Variants in ZPBP2 observed in about 807,000 individuals in gnomAD.
ZPBP2 encodes zona pellucida binding protein 2, also known as zona pellucida-binding protein 2.
In ZPBP2, 34 loss-of-function variants were observed where a neutral mutation model predicts 37.5. The observed-to-expected ratio is 0.91, with a 90% CI of 0.69 to 1.21. The LOEUF (loss-of-function observed/expected upper bound fraction) is 1.21, where lower values mean the gene tolerates loss of function less well. Ranked by LOEUF, ZPBP2 falls within the 50% of genes most tolerant of loss-of-function variation. ZPBP2 has a pLI of 0.00. For missense variants in ZPBP2, 397 were observed against 413.5 expected (o/e 0.96, Z 0.35); for synonymous variants, 143 against 138.4 (o/e 1.03, Z -0.23).
Position 39,872,485 on chromosome 17 carries a change from CA to C in ZPBP2, c.624del (p.Val209LeufsTer33), listed in dbSNP as rs776798421. ...GLIHELFIAF[Q>X]VNPFAPGWKG... ...CATACATGAGCTATTTATAGCATTTCAAGGTAAAATTTTTAAAATTTCTTTA... is the reference window on the plus strand; with the variant it reads ...CATACATGAGCTATTTATAGCATTTCAGGTAAAATTTTTAAAATTTCTTTA... On this transcript the variant is annotated frameshift_variant and splice_region_variant, in exon 5 of 8. Coordinates refer to ENST00000348931, the MANE Select transcript of ZPBP2 (RefSeq NM_199321.3). LOFTEE classifies it high-confidence loss of function. 6.3e-7 allele frequency: 1 copy of C among 1,576,552 alleles called. No homozygotes were observed. Among genetic ancestry groups the C allele is most frequent in the Non-Finnish European group, 8.6e-7 (1 of 1,166,192 alleles).
In ZPBP2 at chr17:39,876,831, C is replaced by G. The variant is rs746301719; in HGVS notation, c.*22C>G. Reference sequence around the variant, plus strand: ...TTAGAGGTGAAAGCATTGTTACTTACTTGTGGAAGTCGGGGACATAAGATG... The same window carrying G: ...TTAGAGGTGAAAGCATTGTTACTTAGTTGTGGAAGTCGGGGACATAAGATG... On this transcript the variant is annotated 3_prime_UTR_variant, in exon 8 of 8. Coordinates refer to ENST00000348931, the MANE Select transcript of ZPBP2 (RefSeq NM_199321.3). 3 of 1,612,118 alleles carry G rather than the reference C, an allele frequency of 1.9e-6. No individual in the cohort carries two copies. The Middle Eastern group carries it at 5.0e-4, about 267-fold the overall frequency.
chr17:39,872,270 C>A lies in ZPBP2; in HGVS notation c.407C>A (p.Ala136Asp). 6.4e-7 allele frequency: 1 copy of A among 1,573,956 alleles called. No homozygotes were observed. The highest frequency in any genetic ancestry group is 8.6e-7 in the Non-Finnish European group (1 of 1,165,246). ...TCTCATCTTTCTTTTTTTTTTAAAG[C>A]CTATCGGGAACCTGATTATTCATAT... Reference protein sequence around the residue: ...VKKRYDFMVFAYREPDYSYQM... With the variant: ...VKKRYDFMVFDYREPDYSYQM... Residue 136 changes from alanine (A) to aspartate (D), a missense_variant and splice_region_variant, in exon 5 of 8, where the codon GCC becomes GAC. Transcript: ENST00000348931.
At chr17:39,868,440 C>T in intron 1 of ZPBP2, 34 bp downstream of exon 1, 1 of 1,611,704 alleles carries the variant, frequency 6.2e-7, no homozygotes, top group South Asian at 1.1e-5. Context: ...CCAGGCCTCT[C>T]CCTCTGCCCG....
chr17:39,876,538 G>A, intron 7 of ZPBP2, 144 bp from the exon 8 acceptor site: 2 of 813,980 alleles, frequency 2.5e-6, no homozygotes, highest in Non-Finnish European at 3.7e-6. Context: ...AACTTAAATG[G>A]GCTGAACATT....
At position 39,877,590 on chromosome 17, in the gene ZPBP2, A is replaced by G. The variant is rs1018599143; in HGVS notation, c.*781A>G. 6.6e-6 allele frequency: 1 copy of G among 152,128 alleles called. No individual in the cohort carries two copies. The highest frequency in any genetic ancestry group is 1.5e-5 in the Non-Finnish European group (1 of 68,018). 9.4% of individuals were successfully genotyped at this position (152,128 alleles called of 1,614,324 possible). A position where few individuals can be genotyped will look rare whatever the true frequency, so the allele number is the denominator to read the frequency against. ...ACCCTCAAAATCCTGTGCTTCACTTATTTATCCCTCCCGCCGTGCCCTGGC... is the reference window on the plus strand; with the variant it reads ...ACCCTCAAAATCCTGTGCTTCACTTGTTTATCCCTCCCGCCGTGCCCTGGC... On this transcript the variant is annotated 3_prime_UTR_variant, in exon 8 of 8. Transcript: ENST00000348931.
chr17:39,876,928 T>C lies in ZPBP2; in HGVS notation c.*119T>C. ...AGTAAGACCAAACCACTGGAAAACA[T>C]GCATTTTGGAAACTTTAAAATAAAT... On this transcript the variant is annotated 3_prime_UTR_variant, in exon 8 of 8. Transcript: ENST00000348931. 1 of 1,302,788 alleles carries C rather than the reference T, an allele frequency of 7.7e-7. No homozygotes were observed. The highest frequency in any genetic ancestry group is 1.1e-6 in the Non-Finnish European group (1 of 945,034). 80.7% of individuals were successfully genotyped at this position (1,302,788 alleles called of 1,614,324 possible).
rs80257882 is a variant in ZPBP2, at chr17:39,875,660, G to A, written c.889+226G>A. Among the ~76,000 whole-genome samples, 47 of 150,842 alleles carry A rather than the reference G, an allele frequency of 3.1e-4. 3 individuals are homozygous for A. In the East Asian group the frequency reaches 7.0e-3, roughly 23 times the overall value. On this transcript the variant is annotated intron_variant, in intron 7 of 7. Transcript: ENST00000348931. ...TTCACCCATGCTGGAGTGCAGTGGCGTCATCTGAGCTCACCACAACCTTCG... is the reference window on the plus strand; with the variant it reads ...TTCACCCATGCTGGAGTGCAGTGGCATCATCTGAGCTCACCACAACCTTCG...
In ZPBP2 at chr17:39,872,292, A is replaced by G. The variant is rs202090968; in HGVS notation, c.429A>G (p.Ser143=). The change falls in exon 5 of 8, where the codon TCA becomes TCG. Residue 143 remains serine, a synonymous_variant. Coordinates refer to ENST00000348931, the MANE Select transcript of ZPBP2 (RefSeq NM_199321.3). ...MVFAYREPDY[S]YQMAVRFTTR... ...AAGCCTATCGGGAACCTGATTATTCATATCAGATGGCTGTACGTTTTACCA... is the reference window on the plus strand; with the variant it reads ...AAGCCTATCGGGAACCTGATTATTCGTATCAGATGGCTGTACGTTTTACCA... 6 of 1,604,510 alleles carry G rather than the reference A, an allele frequency of 3.7e-6. No homozygotes were observed. Among genetic ancestry groups the G allele is most frequent in the Non-Finnish European group, 5.1e-6 (6 of 1,176,654 alleles).
At chr17:39,873,614 A>G (rs147134135) in intron 6 of ZPBP2, among the ~76,000 whole-genome samples, 1 of 152,058 alleles carries the variant, frequency 6.6e-6, no homozygotes, top group Non-Finnish European at 1.5e-5. Context: ...ATAGTTCCCA[A>G]GGTTAGTATT....
chr17:39,868,666 A>G (rs2063347624), intron 2 of ZPBP2, 52 bp downstream of exon 2: 2 of 1,606,256 alleles, frequency 1.2e-6, no homozygotes, highest in African/African-American at 2.7e-5. Context: ...GGAACTGCGA[A>G]GCTCTTCCCG....
chr17:39,871,309 A>G (rs971336341), intron 3 of ZPBP2, among the ~76,000 whole-genome samples, 155 bp from the exon 4 acceptor site: 8 of 152,196 alleles, frequency 5.3e-5, no homozygotes, highest in African/African-American at 1.7e-4. Flanking sequence ...GTAGTCTTCC[A>G]CAGAGTAATA....
At chr17:39,871,265 A>G (rs141406677) in intron 3 of ZPBP2, among the ~76,000 whole-genome samples, 199 bp from the exon 4 acceptor site, 4 of 152,278 alleles carry the variant, frequency 2.6e-5, no homozygotes, top group Non-Finnish European at 5.9e-5. Context: ...AACAAAGAAA[A>G]CCAAAATATA....
At chr17:39,871,236 T>C (rs528302158) in intron 3 of ZPBP2, among the ~76,000 whole-genome samples, 1 of 152,260 alleles carries the variant, frequency 6.6e-6, no homozygotes, top group Admixed American at 6.5e-5. Flanking sequence ...GATGAACCAA[T>C]TGAAACTAGA....
intron 2 of ZPBP2, among the ~76,000 whole-genome samples, chr17:39,870,160 C>T (rs770253110): frequency 1.3e-5 from 2 of 152,196 alleles, no homozygotes; most frequent in Admixed American, 6.5e-5. Context: ...TCTCCTCCCT[C>T]AGCCTCCCGG....
At chr17:39,870,288 C>T (rs955196307) in intron 2 of ZPBP2, among the ~76,000 whole-genome samples, 1 of 152,138 alleles carries the variant, frequency 6.6e-6, no homozygotes. Context: ...AAGCGATCCG[C>T]TCCCTCGGCC....
At chr17:39,874,180 A>G (rs922052283) in intron 6 of ZPBP2, among the ~76,000 whole-genome samples, 1 of 151,828 alleles carries the variant, frequency 6.6e-6, no homozygotes, top group African/African-American at 2.4e-5. Flanking sequence ...TTTATCAGAG[A>G]CGGGGTTTCA....
intron 7 of ZPBP2, 123 bp from the exon 8 acceptor site, chr17:39,876,559 A>G: frequency 9.7e-7 from 1 of 1,035,752 alleles, no homozygotes; most frequent in Non-Finnish European, 1.4e-6. Flanking sequence ...ACCTGGTATA[A>G]TATAGGTACT....
intron 5 of ZPBP2, among the ~76,000 whole-genome samples, chr17:39,872,818 T>G (rs528009754): frequency 1.3e-5 from 2 of 152,330 alleles, no homozygotes; most frequent in East Asian, 1.9e-4. Context: ...ACCAAATTTA[T>G]TTCTATTCAT....
Position 39,872,450 on chromosome 17 carries a change from A to T in ZPBP2, c.587A>T (p.Glu196Val), listed in dbSNP as rs141499875. 1.7e-5 allele frequency: 28 copies of T among 1,612,700 alleles called. 1 individual carries two copies. The Middle Eastern group carries it at 9.9e-4, about 57-fold the overall frequency. The change falls in exon 5 of 8, where the codon GAA becomes GTA. Residue 196 changes from glutamate (E) to valine (V), a missense_variant. Physicochemically the swap from Glu to Val is moderately radical, Grantham distance 121 (BLOSUM62 -2). Transcript: ENST00000348931. ...SYKCHSVEIPEHGLIHELFIA... is the reference protein window; with the variant it reads ...SYKCHSVEIPVHGLIHELFIA... ...AAATGCCATTCTGTTGAAATTCCAG[A>T]ACATGGCCTCATACATGAGCTATTT...
Sources: gnomAD v4.1 joint callset for allele counts (sites outside exome capture counted in the v4.1 genomes callset) on GRCh38, gnomAD v4.1.1 for gene constraint, MANE v1.5 for transcripts, NCBI Gene and HGNC (gene_info 2026-07-23, HGNC 2026-07-21) for gene names.